HHAT: variants seen among roughly 807,000 people sequenced by gnomAD.
The protein encoded by HHAT is protein-cysteine N-palmitoyltransferase HHAT.
In HHAT, 47 loss-of-function variants were observed where a neutral mutation model predicts 70.8. That is an observed-to-expected ratio of 0.66 (90% confidence interval 0.53 to 0.85). The LOEUF (loss-of-function observed/expected upper bound fraction) is 0.85, where lower values mean the gene tolerates loss of function less well. Ranked by LOEUF, HHAT falls within the 40% of genes least tolerant of loss-of-function variation. The pLI is 0.00. For missense variants in HHAT, 609 were observed against 604.8 expected (o/e 1.01, Z -0.07); for synonymous variants, 228 against 247.6 (o/e 0.92, Z 0.74).
At chr1:210,350,027 G>T (rs2086876982) in intron 2 of HHAT, among the ~76,000 whole-genome samples, 1 of 152,150 alleles carries the variant, frequency 6.6e-6, no homozygotes, top group East Asian at 1.9e-4. Context: ...GAAAATGGGA[G>T]GTGTCTATTC....
At chr1:210,357,423 T>C (rs979723152) in intron 2 of HHAT, among the ~76,000 whole-genome samples, 4 of 152,188 alleles carry the variant, frequency 2.6e-5, no homozygotes, top group Non-Finnish European at 5.9e-5. Context: ...ACAGAAGAAA[T>C]AGGTCTTGCT....
intron 2 of HHAT, among the ~76,000 whole-genome samples, chr1:210,358,114 A>T (rs1287140766): frequency 1.3e-5 from 2 of 152,198 alleles, no homozygotes; most frequent in Admixed American, 1.3e-4. Flanking sequence ...GGCAAGCCCT[A>T]GTGTTAGACT....
At chr1:210,419,128 C>T (rs1418496199) in intron 7 of HHAT, among the ~76,000 whole-genome samples, 1 of 152,148 alleles carries the variant, frequency 6.6e-6, no homozygotes, top group African/African-American at 2.4e-5. Flanking sequence ...CTTAACCTCT[C>T]GGTTCCAGCA....
At chr1:210,614,602 T>C (rs1401837482) in intron 10 of HHAT, among the ~76,000 whole-genome samples, 2 of 151,984 alleles carry the variant, frequency 1.3e-5, no homozygotes, top group Admixed American at 1.3e-4. Context: ...TGATGTTCCC[T>C]TTCCTGTGTC....
intron 2 of HHAT, among the ~76,000 whole-genome samples, chr1:210,360,313 TTTTTG>T (rs1553324217): frequency 6.6e-6 from 1 of 151,710 alleles, no homozygotes; most frequent in African/African-American, 2.4e-5. Context: ...TGTTTTTTTT[TTTTTG>T]TTTTGTTTTG....
At position 210,448,015 on chromosome 1, in the gene HHAT, G is replaced by A. The variant is rs535458807; in HGVS notation, c.857-16490G>A. ...CTGCCTCGATCAGGGACTCCCACTCGGTAGCATAACTTTCCATCTGCAATG... is the reference window on the plus strand; with the variant it reads ...CTGCCTCGATCAGGGACTCCCACTCAGTAGCATAACTTTCCATCTGCAATG... On this transcript the variant is annotated intron_variant, in intron 7 of 11. Transcript: ENST00000261458. 8.5e-5 allele frequency among the ~76,000 whole-genome samples: 13 copies of A among 152,144 alleles called. No individual in the cohort carries two copies. In the South Asian group the frequency reaches 2.3e-3, roughly 27 times the overall value.
At chr1:210,427,596 C>T (rs2093103911) in intron 7 of HHAT, among the ~76,000 whole-genome samples, 1 of 152,078 alleles carries the variant, frequency 6.6e-6, no homozygotes. Context: ...ATTCAATTTC[C>T]ATGTAATTAT....
intron 3 of HHAT, chr1:210,374,266 G>C (rs986987308): frequency 6.6e-6 from 1 of 151,792 alleles, no homozygotes; most frequent in Non-Finnish European, 1.5e-5. Context: ...AGAAACCAGT[G>C]TAATGCTACA....
chr1:210,495,426 G>A (rs1299580012), intron 8 of HHAT, among the ~76,000 whole-genome samples: 1 of 152,052 alleles, frequency 6.6e-6, no homozygotes, highest in East Asian at 1.9e-4. Context: ...CTTTAGGCGT[G>A]TTAAATAGCC....
intron 11 of HHAT, among the ~76,000 whole-genome samples, chr1:210,653,903 C>T (rs200908403): frequency 0.028 from 29 of 1,034 alleles, no homozygotes; most frequent in Middle Eastern, 0.5. Flanking sequence ...AATAGTGTGA[C>T]GGGAATAGTG....
At chr1:210,616,670 G>A (rs113955037) in intron 10 of HHAT, among the ~76,000 whole-genome samples, 10 of 152,264 alleles carry the variant, frequency 6.6e-5, no homozygotes, top group Admixed American at 1.3e-4. Context: ...AAGGGAATCC[G>A]CACTGCCACA....
intron 10 of HHAT, among the ~76,000 whole-genome samples, chr1:210,592,466 G>T (rs565602453): frequency 6.6e-6 from 1 of 152,156 alleles, no homozygotes; most frequent in South Asian, 2.1e-4. Context: ...TAAGTAATGT[G>T]ATTCCTCCAG....
At chr1:210,619,218 C>T (rs1017028567) in intron 10 of HHAT, among the ~76,000 whole-genome samples, 1 of 152,216 alleles carries the variant, frequency 6.6e-6, no homozygotes, top group East Asian at 1.9e-4. Flanking sequence ...ACCGTAGAGA[C>T]CATGTGGACA....
chr1:210,489,768 CA>C (rs1292094337), intron 8 of HHAT, among the ~76,000 whole-genome samples: 1 of 152,188 alleles, frequency 6.6e-6, no homozygotes, highest in African/African-American at 2.4e-5. Flanking sequence ...CCTTCTTAAG[CA>C]GAGCACATAC....
In HHAT at chr1:210,538,075, ATT is replaced by A. The variant is rs200582852; in HGVS notation, c.1043+24898_1043+24899del. Among the ~76,000 whole-genome samples, 694 of 142,040 alleles carry A rather than the reference ATT, an allele frequency of 4.9e-3. 4 individuals carry two copies. Among genetic ancestry groups the A allele is most frequent in the African/African-American group, 0.017 (668 of 39,222 alleles). The allele number at this position is 142,040 out of a possible 152,430, so 93.2% of individuals were successfully genotyped here. A position where few individuals can be genotyped will look rare whatever the true frequency, so the allele number is the denominator to read the frequency against. On this transcript the variant is annotated intron_variant, in intron 9 of 11. Transcript: ENST00000261458. ...CTTTAAACAATTGTACACATTTTGT[ATT>A]TTTTTTTTTTGCTTTTCTCCATACA...
intron 9 of HHAT, among the ~76,000 whole-genome samples, chr1:210,580,227 T>C (rs1026643834): frequency 2.6e-5 from 4 of 152,322 alleles, no homozygotes; most frequent in African/African-American, 7.2e-5. Flanking sequence ...CTTAGCCTTA[T>C]GGAGGATGAC....
At chr1:210,518,072 A>G (rs1558074011) in intron 9 of HHAT, among the ~76,000 whole-genome samples, 1 of 152,204 alleles carries the variant, frequency 6.6e-6, no homozygotes, top group Non-Finnish European at 1.5e-5. Context: ...GTCATCTCAT[A>G]CATTTATTAT....
At chr1:210,409,855 A>G (rs1212515471) in intron 6 of HHAT, among the ~76,000 whole-genome samples, 1 of 152,164 alleles carries the variant, frequency 6.6e-6, no homozygotes, top group African/African-American at 2.4e-5. Context: ...AGATGAGTTA[A>G]TGTGTATTTT....
At chr1:210,348,616 G>C (rs2086725350) in intron 1 of HHAT, among the ~76,000 whole-genome samples, 1 of 152,074 alleles carries the variant, frequency 6.6e-6, no homozygotes, top group African/African-American at 2.4e-5. Context: ...GAAGAGACAG[G>C]CATATTATGC....
Sources: allele counts gnomAD v4.1 joint callset (sites outside exome capture counted in the v4.1 genomes callset), GRCh38; gene constraint gnomAD v4.1.1; transcripts MANE v1.5; gene names NCBI Gene and HGNC (gene_info 2026-07-23, HGNC 2026-07-21).